SPAG1: variants seen among roughly 807,000 people sequenced by gnomAD.
SPAG1 encodes the protein sperm associated antigen 1.
Under a neutral mutation model 100.5 loss-of-function variants are expected in SPAG1, and 69 were observed. The ratio of observed to expected loss-of-function variants is 0.69; its 90% CI spans 0.57 to 0.84. SPAG1 has a LOEUF of 0.84. SPAG1 is among the 40% of genes least tolerant of loss of function. SPAG1 has a pLI of 0.00. For missense variants in SPAG1, 955 were observed against 1,133.1 expected, an observed-to-expected ratio of 0.84 and a Z score of 2.26; for synonymous variants, 336 against 411.6, an observed-to-expected ratio of 0.82 and a Z score of 2.22.
intron 10 of SPAG1, among the ~76,000 whole-genome samples, chr8:100,197,305 A>AATAGAAATTT (rs1238534940): frequency 6.6e-6 from 1 of 152,152 alleles, no homozygotes; most frequent in Non-Finnish European, 1.5e-5. Flanking sequence ...AAAATAATAT[A>AATAGAAATTT]ATAGAAATTT....
At chr8:100,216,763 G>A (rs1216130508) in intron 12 of SPAG1, among the ~76,000 whole-genome samples, 1 of 152,058 alleles carries the variant, frequency 6.6e-6, no homozygotes, top group Non-Finnish European at 1.5e-5. Flanking sequence ...TCTCAATCTT[G>A]TTTTAATGCC....
intron 7 of SPAG1, among the ~76,000 whole-genome samples, chr8:100,185,847 T>C (rs1816562263): frequency 6.6e-6 from 1 of 152,164 alleles, no homozygotes; most frequent in South Asian, 2.1e-4. Flanking sequence ...GGATCATTCA[T>C]TCAGTACAGC....
chr8:100,209,303 C>CAT (rs367809874), intron 10 of SPAG1, among the ~76,000 whole-genome samples: 25,009 of 145,684 alleles, frequency 0.17, 2,328 homozygotes, highest in South Asian at 0.23. Context: ...CCTTTATATA[C>CAT]ATATATATAT....
chr8:100,174,122 A>T (rs182163071), intron 3 of SPAG1, among the ~76,000 whole-genome samples: 348 of 152,320 alleles, frequency 2.3e-3, no homozygotes, highest in Middle Eastern at 0.01. Flanking sequence ...ACACAGTCAA[A>T]AATCTACTTA....
At chr8:100,209,196 A>G (rs886578281) in intron 10 of SPAG1, among the ~76,000 whole-genome samples, 10 of 152,020 alleles carry the variant, frequency 6.6e-5, no homozygotes, top group African/African-American at 1.4e-4. Flanking sequence ...CAAGTTCTTC[A>G]TTGTTGAGAC....
At chr8:100,221,092 AAAAT>A (rs1818256757) in intron 13 of SPAG1, among the ~76,000 whole-genome samples, 1 of 152,132 alleles carries the variant, frequency 6.6e-6, no homozygotes, top group African/African-American at 2.4e-5. Context: ...AAATTAAAAT[AAAAT>A]AAATAAATCA....
intron 12 of SPAG1, among the ~76,000 whole-genome samples, chr8:100,214,794 A>G (rs1817891489): frequency 6.6e-6 from 1 of 151,794 alleles, no homozygotes; most frequent in Non-Finnish European, 1.5e-5. Context: ...GTCCTGGCCA[A>G]CATGATGAAA....
At chr8:100,230,924 G>T (rs1249817567) in intron 14 of SPAG1, among the ~76,000 whole-genome samples, 2 of 151,990 alleles carry the variant, frequency 1.3e-5, no homozygotes, top group Admixed American at 1.3e-4. Flanking sequence ...CCCGGCACTT[G>T]TATCTTATTT....
In SPAG1 at chr8:100,212,506, A is replaced by G. The variant is rs542052016; in HGVS notation, c.1097-584A>G. ...AAAATCAAAGAAATTTTTAGTTTGAATAAGGCAATGGGATGGAAAATTTGC... is the reference window on the plus strand; with the variant it reads ...AAAATCAAAGAAATTTTTAGTTTGAGTAAGGCAATGGGATGGAAAATTTGC... On this transcript the variant is annotated intron_variant, in intron 10 of 18. Transcript: ENST00000388798. Among the ~76,000 whole-genome samples, 4 of 152,362 alleles carry G rather than the reference A, an allele frequency of 2.6e-5. No individual in the cohort carries two copies. In the East Asian group the frequency reaches 7.7e-4, roughly 29 times the overall value.
chr8:100,231,012 A>G, intron 14 of SPAG1, 144 bp from the exon 15 acceptor site: 1 of 491,646 alleles, frequency 2.0e-6, no homozygotes, highest in Non-Finnish European at 3.5e-6. Flanking sequence ...ATTTGTCTAC[A>G]AAGTTTTGTT....
intron 8 of SPAG1, among the ~76,000 whole-genome samples, chr8:100,189,537 C>G (rs569511567): frequency 1.3e-5 from 2 of 151,992 alleles, no homozygotes; most frequent in Non-Finnish European, 2.9e-5. Flanking sequence ...CACCTGTAGT[C>G]CCAGCTACTT....
intron 9 of SPAG1, 83 bp downstream of exon 9, chr8:100,191,579 A>G (rs2132281652): frequency 1.1e-6 from 1 of 933,280 alleles, no homozygotes; most frequent in South Asian, 1.5e-5. Flanking sequence ...ATCTTGCCAA[A>G]CAAATTATGT....
chr8:100,233,754 CA>C (rs1339242739), intron 16 of SPAG1, among the ~76,000 whole-genome samples: 1 of 152,154 alleles, frequency 6.6e-6, no homozygotes, highest in East Asian at 1.9e-4. Context: ...CTTCCAGCTC[CA>C]AAATAATGAT....
chr8:100,168,931 C>T (rs1462193897), intron 3 of SPAG1, among the ~76,000 whole-genome samples: 2 of 151,866 alleles, frequency 1.3e-5, no homozygotes, highest in Non-Finnish European at 2.9e-5. Flanking sequence ...ATGTGATCTG[C>T]CCATCTCGGC....
intron 14 of SPAG1, 85 bp from the exon 15 acceptor site, chr8:100,231,071 T>C (rs987902746): frequency 1.6e-6 from 2 of 1,225,596 alleles, no homozygotes; most frequent in African/African-American, 3.1e-5. Flanking sequence ...TAATTTGCAA[T>C]AGAAGATTTA....
At chr8:100,240,063 T>C (rs1490651280) in intron 17 of SPAG1, among the ~76,000 whole-genome samples, 1 of 152,150 alleles carries the variant, frequency 6.6e-6, no homozygotes, top group Non-Finnish European at 1.5e-5. Flanking sequence ...AAAAACTGTT[T>C]TAGGAGAATC....
At chr8:100,225,089 T>TTGCAAATGCTA in intron 13 of SPAG1, 84 bp from the exon 14 acceptor site, 9 of 1,087,100 alleles carry the variant, frequency 8.3e-6, no homozygotes, top group Non-Finnish European at 1.2e-5. Context: ...TGCATAGCAT[T>TTGCAAATGCTA]TGCAAATTTT....
chr8:100,224,288 G>A (rs1377036887), intron 13 of SPAG1, among the ~76,000 whole-genome samples: 3 of 152,038 alleles, frequency 2.0e-5, no homozygotes, highest in East Asian at 1.9e-4. Context: ...GGTGGCTCAC[G>A]CCTGTAATCT....
rs546561781 is a variant in SPAG1 at position 100,173,520 on chromosome 8, T to G, written c.301-4296T>G. On this transcript the variant is annotated intron_variant, in intron 3 of 18. Transcript: ENST00000388798. ...TTTTTTTGCTGTATCCCAGTGCTTT[T>G]AAGAGTGTCTAACAAATATTAGAAC... Among the ~76,000 whole-genome samples the G allele has an allele frequency of 1.1e-4, 17 of 152,320 alleles. No homozygotes were observed. The South Asian group carries it at 3.5e-3, about 32-fold the overall frequency.
Sources: allele counts gnomAD v4.1 joint callset (sites outside exome capture counted in the v4.1 genomes callset), GRCh38; gene constraint gnomAD v4.1.1; transcripts MANE v1.5; gene names NCBI Gene and HGNC (gene_info 2026-07-23, HGNC 2026-07-21).